Variants in LATS2 observed in about 807,000 individuals in gnomAD.
LATS2 encodes the protein serine/threonine-protein kinase LATS2.
Under a neutral mutation model 76.0 loss-of-function variants are expected in LATS2, and 24 were observed. That is an observed-to-expected ratio of 0.32 (90% CI 0.23 to 0.44). The LOEUF (loss-of-function observed/expected upper bound fraction) is 0.44, where lower values mean the gene tolerates loss of function less well. Among genes scored for constraint, LATS2 ranks in the 20% least tolerant of loss-of-function variants. LATS2 has a pLI of 1.00. For missense variants in LATS2, 1,286 were observed against 1,481.2 expected, an observed-to-expected ratio of 0.87 and a Z score of 2.16; for synonymous variants, 692 against 635.4, an observed-to-expected ratio of 1.09 and a Z score of -1.34.
intron 2 of LATS2, among the ~76,000 whole-genome samples, chr13:21,001,431 T>C (rs904912905): frequency 1.3e-5 from 2 of 152,214 alleles, no homozygotes; most frequent in South Asian, 2.1e-4. Context: ...CCCTTGAATA[T>C]TGGCTGGCCT....
At chr13:21,050,999 T>C (rs1048580537) in intron 1 of LATS2, among the ~76,000 whole-genome samples, 12 of 152,112 alleles carry the variant, frequency 7.9e-5, no homozygotes, top group Non-Finnish European at 1.0e-4. Context: ...CTCTGAGGCA[T>C]AGGAGAGAAA....
In LATS2 at chr13:20,983,611, G is replaced by C. The variant is rs748209345; in HGVS notation, c.2095C>G (p.Leu699Val). ...CGGTTCAGGACATCCTTTTTCCTTA[G>C]GGTCTTCATGGCGTACAGGGCGTGA... ...DTHALYAMKT[L>V]RKKDVLNRNQ... is the part of the protein sequence containing the mutation. The change falls in exon 5 of 8, where the codon CTA becomes GTA. Residue 699 changes from leucine to valine, a missense_variant. Transcript: ENST00000382592. The C allele has an allele frequency of 3.7e-6, 6 of 1,614,114 alleles. No individual in the cohort carries two copies. The highest frequency in any genetic ancestry group is 5.1e-6 in the Non-Finnish European group (6 of 1,180,022).
At position 20,989,174 on chromosome 13, in the gene LATS2, C is replaced by A; in HGVS notation, c.606G>T (p.Thr202=). The A allele has an allele frequency of 6.2e-7, 1 of 1,613,192 alleles. No homozygotes were observed. Among genetic ancestry groups the A allele is most frequent in the African/African-American group, 1.3e-5 (1 of 75,054 alleles). The change falls in exon 4 of 8, where the codon ACG becomes ACT. Residue 202 remains threonine, a synonymous_variant. Transcript: ENST00000382592. The part of the protein sequence containing the change: ...EGPSFGADGP[T]ALEEMPRPYV... ...ACGGCCGCGGCATCTCCTCCAGCGCCGTGGGGCCGTCAGCGCCGAAGCTTG... is the reference window on the plus strand; with the variant it reads ...ACGGCCGCGGCATCTCCTCCAGCGCAGTGGGGCCGTCAGCGCCGAAGCTTG...
At chr13:20,982,823 C>G (rs1351656254) in intron 5 of LATS2, among the ~76,000 whole-genome samples, 1 of 151,114 alleles carries the variant, frequency 6.6e-6, no homozygotes, top group Non-Finnish European at 1.5e-5. Context: ...GAAACCCCGT[C>G]TCTACTAAAA....
At chr13:21,037,126 C>T (rs772220905) in intron 2 of LATS2, among the ~76,000 whole-genome samples, 1 of 152,138 alleles carries the variant, frequency 6.6e-6, no homozygotes. Flanking sequence ...ATTTTAGGAC[C>T]GGGTGTGGCG....
At chr13:20,994,464 G>A (rs900139248) in intron 2 of LATS2, among the ~76,000 whole-genome samples, 6 of 152,230 alleles carry the variant, frequency 3.9e-5, no homozygotes, top group Admixed American at 1.3e-4. Flanking sequence ...AGTACATGCA[G>A]AGTCACAGAG....
intron 2 of LATS2, among the ~76,000 whole-genome samples, chr13:20,993,675 G>C (rs1361027280): frequency 6.6e-6 from 1 of 152,162 alleles, no homozygotes; most frequent in African/African-American, 2.4e-5. Flanking sequence ...TTACAACCTG[G>C]AAGAGTTGCA....
chr13:21,048,025 T>C (rs1407442958), intron 1 of LATS2, among the ~76,000 whole-genome samples: 2 of 152,194 alleles, frequency 1.3e-5, no homozygotes. Flanking sequence ...TGTGCAGACA[T>C]TGAGCTATTA....
chr13:21,040,561 T>G (rs73443385), intron 2 of LATS2, among the ~76,000 whole-genome samples: 1,867 of 152,266 alleles, frequency 0.012, 34 homozygotes, highest in African/African-American at 0.042. Context: ...CGAAATCATA[T>G]GTCAGAGAGA....
chr13:21,012,111 T>C (rs1312222377), intron 2 of LATS2, among the ~76,000 whole-genome samples: 1 of 152,214 alleles, frequency 6.6e-6, no homozygotes, highest in African/African-American at 2.4e-5. Context: ...CAGCCTGAGA[T>C]TGTAGTGAAT....
At chr13:20,996,427 G>A (rs1169743700) in intron 2 of LATS2, among the ~76,000 whole-genome samples, 2 of 150,196 alleles carry the variant, frequency 1.3e-5, no homozygotes, top group Non-Finnish European at 2.9e-5. Flanking sequence ...CCCCCAGGGT[G>A]GAGTACAGTG....
Position 21,007,559 on chromosome 13 carries a change from A to AG in LATS2, c.343-16156_343-16155insC, listed in dbSNP as rs1469211849. 1.6e-3 allele frequency among the ~76,000 whole-genome samples: 26 copies of AG among 16,630 alleles called. 3 individuals are homozygous for AG. The South Asian group carries it at 0.029, about 19-fold the overall frequency. 10.9% of individuals were successfully genotyped at this position (16,630 alleles called of 152,430 possible). A position where few individuals can be genotyped will look rare whatever the true frequency, so the allele number is the denominator to read the frequency against. ...ATATATATATAGTATATATATATAT[A>AG]TATATATATATATATATATATATAT... On this transcript the variant is annotated intron_variant, in intron 2 of 7. Coordinates refer to ENST00000382592, the MANE Select transcript of LATS2 (RefSeq NM_014572.3).
At position 21,050,125 on chromosome 13, in the gene LATS2, C is replaced by CAGACAGATAGATAGATAGATAGATAGAT. The variant is rs71306170; in HGVS notation, c.-204-3896_-204-3895insATCTATCTATCTATCTATCTATCTGTCT. On this transcript the variant is annotated intron_variant, in intron 1 of 7. Coordinates refer to ENST00000382592, the MANE Select transcript of LATS2 (RefSeq NM_014572.3). ...ACAGAGGGAGACTCTGTCTCATAGA[C>CAGACAGATAGATAGATAGATAGATAGAT]AGATAGATAGATAGATAGATAGATA... 2.4e-3 allele frequency among the ~76,000 whole-genome samples: 171 copies of CAGACAGATAGATAGATAGATAGATAGAT among 69,808 alleles called. 5 individuals carry two copies. The highest frequency in any genetic ancestry group is 7.5e-3 in the East Asian group (10 of 1,330). 45.8% of individuals were successfully genotyped at this position (69,808 alleles called of 152,430 possible).
chr13:21,007,575 A>AGTG lies in LATS2; in HGVS notation c.343-16172_343-16171insCAC, dbSNP rs1342508310. Among the ~76,000 whole-genome samples, 22 of 20,066 alleles carry AGTG rather than the reference A, an allele frequency of 1.1e-3. 7 individuals are homozygous for AGTG. The African/African-American group carries it at 0.011, about 10-fold the overall frequency. 13.2% of individuals were successfully genotyped at this position (20,066 alleles called of 152,430 possible). On this transcript the variant is annotated intron_variant, in intron 2 of 7. Coordinates refer to ENST00000382592, the MANE Select transcript of LATS2 (RefSeq NM_014572.3). ...TATATATATATATATATATATATAT[A>AGTG]TATATATATATAGTATATATATATA...
chr13:21,047,629 T>C (rs1426531351), intron 1 of LATS2, among the ~76,000 whole-genome samples: 5 of 152,038 alleles, frequency 3.3e-5, no homozygotes, highest in Non-Finnish European at 7.4e-5. Flanking sequence ...CAGAGGGATC[T>C]GGATGTTTAG....
intron 1 of LATS2, among the ~76,000 whole-genome samples, chr13:21,056,597 C>A (rs778073485): frequency 6.6e-6 from 1 of 152,114 alleles, no homozygotes; most frequent in Non-Finnish European, 1.5e-5. Context: ...ATTTCATAGC[C>A]CAGCAGGGGT....
Position 21,032,669 on chromosome 13 carries a change from T to C in LATS2, c.342+13016A>G, listed in dbSNP as rs368671052. On this transcript the variant is annotated intron_variant, in intron 2 of 7. Coordinates refer to ENST00000382592, the MANE Select transcript of LATS2 (RefSeq NM_014572.3). ...CTTCTAATGTGGCCCAGGGAAAAGA[T>C]TGGACACCCCTAAATAATCCCTAAG... Among the ~76,000 whole-genome samples, 199 of 152,234 alleles carry C rather than the reference T, an allele frequency of 1.3e-3. 2 individuals are homozygous for C. The South Asian group carries it at 0.021, about 16-fold the overall frequency.
chr13:21,007,335 G>A (rs1424825753), intron 2 of LATS2, among the ~76,000 whole-genome samples: 2 of 150,360 alleles, frequency 1.3e-5, no homozygotes, highest in African/African-American at 4.9e-5. Context: ...GTTTCTGACA[G>A]TGGAATGTCA....
At chr13:21,008,652 C>T (rs954256258) in intron 2 of LATS2, among the ~76,000 whole-genome samples, 2 of 152,138 alleles carry the variant, frequency 1.3e-5, no homozygotes, top group Non-Finnish European at 2.9e-5. Context: ...GCACTTCACA[C>T]CCATTAGATT....
Sources: allele counts gnomAD v4.1 joint callset (sites outside exome capture counted in the v4.1 genomes callset), GRCh38; gene constraint gnomAD v4.1.1; transcripts MANE v1.5; gene names NCBI Gene and HGNC (gene_info 2026-07-23, HGNC 2026-07-21).